The following PRKAG2 variants were observed in gnomAD, a reference collection of about 807,000 sequenced individuals.
PRKAG2 encodes protein kinase AMP-activated non-catalytic subunit gamma 2.
A neutral mutation model predicts 69.6 loss-of-function variants in PRKAG2; 26 were observed. That is an observed-to-expected ratio of 0.37 (90% confidence interval 0.27 to 0.52). PRKAG2 has a LOEUF of 0.52. Among genes scored for constraint, PRKAG2 ranks in the 20% least tolerant of loss-of-function variants. The pLI is 0.90. For missense variants in PRKAG2, 557 were observed against 740.0 expected (o/e 0.75, Z 2.87); for synonymous variants, 293 against 285.0 (o/e 1.03, Z -0.28).
intron 3 of PRKAG2, among the ~76,000 whole-genome samples, chr7:151,733,704 C>CT (rs1799311493): frequency 7.3e-6 from 1 of 137,668 alleles, no homozygotes; most frequent in African/African-American, 3.5e-5. Flanking sequence ...GCACAGTCAC[C>CT]ATTTTTTTTT....
intron 6 of PRKAG2, among the ~76,000 whole-genome samples, chr7:151,578,355 C>T (rs1809504528): frequency 6.6e-6 from 1 of 152,092 alleles, no homozygotes; most frequent in Non-Finnish European, 1.5e-5. Context: ...AACAAGCAAA[C>T]AAACAAATGA....
chr7:151,639,140 C>A (rs1345975095), intron 4 of PRKAG2, among the ~76,000 whole-genome samples: 1 of 152,220 alleles, frequency 6.6e-6, no homozygotes, highest in Non-Finnish European at 1.5e-5. Flanking sequence ...ATCATCTCCA[C>A]TGGAGTTTTC....
chr7:151,627,833 T>G (rs1823380085), intron 5 of PRKAG2, among the ~76,000 whole-genome samples: 2 of 152,148 alleles, frequency 1.3e-5, no homozygotes. Context: ...TAGCTAATTT[T>G]TAAAATTTTT....
intron 4 of PRKAG2, among the ~76,000 whole-genome samples, chr7:151,659,730 A>G (rs752848275): frequency 6.6e-6 from 1 of 152,242 alleles, no homozygotes; most frequent in Non-Finnish European, 1.5e-5. Flanking sequence ...AAAGGATCAC[A>G]CATTCTTAAG....
chr7:151,653,578 A>C (rs1828895684), intron 4 of PRKAG2, among the ~76,000 whole-genome samples: 1 of 152,210 alleles, frequency 6.6e-6, no homozygotes. Context: ...GCAGTGGCTC[A>C]TGCCTCTAAT....
chr7:151,643,656 T>A (rs1264484737), intron 4 of PRKAG2, among the ~76,000 whole-genome samples: 1 of 152,210 alleles, frequency 6.6e-6, no homozygotes, highest in Non-Finnish European at 1.5e-5. Context: ...GTGGTCTTCA[T>A]TTACTATCCA....
At chr7:151,618,722 A>AC (rs1820762294) in intron 5 of PRKAG2, among the ~76,000 whole-genome samples, 1 of 151,970 alleles carries the variant, frequency 6.6e-6, no homozygotes, top group Admixed American at 6.6e-5. Flanking sequence ...CTGAGATCGC[A>AC]CCATTGCACT....
intron 3 of PRKAG2, among the ~76,000 whole-genome samples, chr7:151,726,006 G>A (rs1199931688): frequency 6.6e-6 from 1 of 152,178 alleles, no homozygotes; most frequent in Non-Finnish European, 1.5e-5. Context: ...ACCAGGTCCT[G>A]CTACAGTTCC....
chr7:151,558,524 C>T (rs1322643202), intron 15 of PRKAG2: 10 of 951,542 alleles, frequency 1.1e-5, no homozygotes, highest in African/African-American at 1.8e-5. Flanking sequence ...AGACAGCGCT[C>T]GGGTGGGACA....
chr7:151,591,853 T>C (rs1208796654), intron 6 of PRKAG2, among the ~76,000 whole-genome samples: 1 of 151,998 alleles, frequency 6.6e-6, no homozygotes, highest in Admixed American at 6.6e-5. Flanking sequence ...AACCATGCCT[T>C]CTCCTGCAGA....
At chr7:151,819,595 A>G (rs185676314) in intron 1 of PRKAG2, among the ~76,000 whole-genome samples, 10 of 152,328 alleles carry the variant, frequency 6.6e-5, no homozygotes, top group Admixed American at 5.9e-4. Context: ...TTGCAAAGAC[A>G]TTTGGAGTCA....
At chr7:151,690,370 C>T (rs1437602679) in intron 3 of PRKAG2, among the ~76,000 whole-genome samples, 1 of 152,164 alleles carries the variant, frequency 6.6e-6, no homozygotes. Flanking sequence ...AGCCCCCTGC[C>T]CCCTTCCAGA....
intron 5 of PRKAG2, among the ~76,000 whole-genome samples, chr7:151,627,920 T>C (rs894996469): frequency 7.2e-5 from 11 of 152,156 alleles, no homozygotes; most frequent in African/African-American, 2.4e-4. Context: ...TGCCTCTGCC[T>C]CCCAAAGTGC....
At chr7:151,856,707 A>G (rs2079785101) in intron 1 of PRKAG2, among the ~76,000 whole-genome samples, 2 of 152,236 alleles carry the variant, frequency 1.3e-5, no homozygotes, top group Admixed American at 6.5e-5. Context: ...CGCATCTGAA[A>G]AACAAGACCA....
chr7:151,639,165 T>G (rs1826248667), intron 4 of PRKAG2, among the ~76,000 whole-genome samples: 1 of 152,184 alleles, frequency 6.6e-6, no homozygotes, highest in East Asian at 1.9e-4. Context: ...CCAACGCAGA[T>G]GCACTTCATC....
chr7:151,655,161 T>C (rs1829206913), intron 4 of PRKAG2, among the ~76,000 whole-genome samples: 3 of 152,208 alleles, frequency 2.0e-5, no homozygotes, highest in African/African-American at 7.2e-5. Context: ...GAAACAGCAA[T>C]AGTTTTGTAT....
intron 1 of PRKAG2, among the ~76,000 whole-genome samples, chr7:151,851,907 C>T (rs2079577104): frequency 1.3e-5 from 2 of 152,196 alleles, no homozygotes; most frequent in Non-Finnish European, 2.9e-5. Context: ...GGAGCCGGGG[C>T]TTCCTGCTCT....
intron 10 of PRKAG2, among the ~76,000 whole-genome samples, chr7:151,569,501 C>T (rs1475116322): frequency 3.3e-5 from 5 of 152,218 alleles, no homozygotes; most frequent in Admixed American, 6.5e-5. Flanking sequence ...TACCCCGGGC[C>T]GGCCCGGCTA....
At chr7:151,565,224 C>A in intron 13 of PRKAG2, 122 bp downstream of exon 13, 1 of 831,510 alleles carries the variant, frequency 1.2e-6, no homozygotes, top group Non-Finnish European at 1.7e-6. Context: ...CTGATAATAT[C>A]CTCACACCCC....
Sources: allele counts gnomAD v4.1 joint callset (sites outside exome capture counted in the v4.1 genomes callset), GRCh38; gene constraint gnomAD v4.1.1; transcripts MANE v1.5; gene names NCBI Gene and HGNC (gene_info 2026-07-23, HGNC 2026-07-21).